EYA2: variants seen among roughly 807,000 people sequenced by gnomAD.
EYA2 encodes protein phosphatase EYA2.
Under a neutral mutation model 69.2 loss-of-function variants are expected in EYA2, and 31 were observed. That is an observed-to-expected ratio of 0.45 (90% CI 0.34 to 0.60). The LOEUF (loss-of-function observed/expected upper bound fraction) is 0.60, where lower values mean the gene tolerates loss of function less well. Ranked by LOEUF, EYA2 falls within the 20% of genes least tolerant of loss-of-function variation. The pLI is 0.02. For missense variants in EYA2, 622 were observed against 701.2 expected, an observed-to-expected ratio of 0.89 and a Z score of 1.28; for synonymous variants, 257 against 279.4, an observed-to-expected ratio of 0.92 and a Z score of 0.80.
chr20:47,068,412 CTG>C (rs1489959807), intron 5 of EYA2, among the ~76,000 whole-genome samples: 1 of 152,252 alleles, frequency 6.6e-6, no homozygotes, highest in Non-Finnish European at 1.5e-5. Flanking sequence ...AGGATCAGCA[CTG>C]TTTGCCTTCC....
At chr20:46,924,176 T>G (rs1488869591) in intron 1 of EYA2, among the ~76,000 whole-genome samples, 2 of 152,186 alleles carry the variant, frequency 1.3e-5, no homozygotes, top group African/African-American at 4.8e-5. Flanking sequence ...TTAACTTGTT[T>G]TAGGAAGTGA....
At chr20:47,006,365 C>G (rs1982715467) in intron 4 of EYA2, among the ~76,000 whole-genome samples, 1 of 152,196 alleles carries the variant, frequency 6.6e-6, no homozygotes, top group Non-Finnish European at 1.5e-5. Flanking sequence ...CTACAGATAG[C>G]CACTCCACGT....
At chr20:47,089,144 C>T in intron 7 of EYA2, 95 bp from the exon 8 acceptor site, 1 of 1,465,208 alleles carries the variant, frequency 6.8e-7, no homozygotes, top group East Asian at 2.3e-5. Flanking sequence ...TTGGAACCCA[C>T]TGCTTTGGAG....
rs186949894 is a variant in EYA2, at chr20:47,035,106, G to A, written c.415+18809G>A. Among the ~76,000 whole-genome samples, 106 of 152,276 alleles carry A rather than the reference G, an allele frequency of 7.0e-4. 1 individual carries two copies. In the South Asian group the frequency reaches 0.014, roughly 20 times the overall value. ...TTTCAAGGGACGCAACTCTACCCAC[G>A]ACATCACCCAACCAGGGTCCCTGGC... On this transcript the variant is annotated intron_variant, in intron 5 of 15. Transcript: ENST00000327619.
At chr20:47,169,099 T>C (rs746552650) in intron 10 of EYA2, 40 bp from the exon 11 acceptor site, 2 of 1,548,942 alleles carry the variant, frequency 1.3e-6, no homozygotes, top group South Asian at 1.1e-5. Context: ...TAACCAGGCA[T>C]GTTCTCTCTC....
At chr20:47,020,945 C>T (rs1051726175) in intron 5 of EYA2, among the ~76,000 whole-genome samples, 3 of 152,142 alleles carry the variant, frequency 2.0e-5, no homozygotes, top group Admixed American at 6.5e-5. Flanking sequence ...TTGAGTTAAC[C>T]TCCAAATACG....
rs567629043 is a variant in EYA2 at position 46,923,025 on chromosome 20, C to T, written c.-11+28038C>T. On this transcript the variant is annotated intron_variant, in intron 1 of 15. Coordinates refer to ENST00000327619, the MANE Select transcript of EYA2 (RefSeq NM_005244.5). Reference sequence around the variant, plus strand: ...ATTCCATTTCAAAAAAAGGTACCTTCTTCTTCAAAAATGCCGATGTTGCAA... The same window carrying T: ...ATTCCATTTCAAAAAAAGGTACCTTTTTCTTCAAAAATGCCGATGTTGCAA... Among the ~76,000 whole-genome samples, 5 of 152,246 alleles carry T rather than the reference C, an allele frequency of 3.3e-5. No individual in the cohort carries two copies. In the South Asian group the frequency reaches 1.0e-3, roughly 32 times the overall value.
At chr20:47,120,869 A>G (rs2033026535) in intron 9 of EYA2, among the ~76,000 whole-genome samples, 1 of 152,232 alleles carries the variant, frequency 6.6e-6, no homozygotes, top group South Asian at 2.1e-4. Flanking sequence ...TTTGAATTTT[A>G]TACTGTCATC....
intron 1 of EYA2, among the ~76,000 whole-genome samples, chr20:46,952,797 G>A (rs1159932180): frequency 6.6e-6 from 1 of 152,208 alleles, no homozygotes; most frequent in African/African-American, 2.4e-5. Flanking sequence ...CCTCATACCA[G>A]ATCAGCCCCG....
intron 9 of EYA2, among the ~76,000 whole-genome samples, chr20:47,130,072 G>A (rs2033299937): frequency 1.3e-5 from 2 of 151,034 alleles, no homozygotes; most frequent in Non-Finnish European, 2.9e-5. Context: ...CAGGGTCTGA[G>A]TCACTGCCTT....
In EYA2 at chr20:47,004,619, G is replaced by A. The variant is rs533819270; in HGVS notation, c.156-323G>A. ...ATCTCAACCTGTGCCCTCCACAGTT[G>A]CTATCAAAAGAGGAGAAAGGACAGG... On this transcript the variant is annotated intron_variant, in intron 3 of 15. Coordinates refer to ENST00000327619, the MANE Select transcript of EYA2 (RefSeq NM_005244.5). 1.1e-4 allele frequency among the ~76,000 whole-genome samples: 16 copies of A among 152,286 alleles called. No individual in the cohort carries two copies. The East Asian group carries it at 3.1e-3, about 29-fold the overall frequency.
At chr20:46,999,356 G>T (rs576836656) in intron 2 of EYA2, among the ~76,000 whole-genome samples, 2 of 152,150 alleles carry the variant, frequency 1.3e-5, no homozygotes, top group African/African-American at 2.4e-5. Context: ...AGGACACCCC[G>T]CCTAGGAGCA....
At chr20:47,030,527 T>C (rs2066228) in intron 5 of EYA2, among the ~76,000 whole-genome samples, 100,222 of 152,094 alleles carry the variant, frequency 0.66, 35,564 homozygotes, top group Non-Finnish European at 0.8. Context: ...TCATGGAATT[T>C]ATATCCCAGG....
intron 5 of EYA2, among the ~76,000 whole-genome samples, chr20:47,018,511 A>G (rs1408042012): frequency 6.6e-6 from 1 of 152,220 alleles, no homozygotes; most frequent in Non-Finnish European, 1.5e-5. Context: ...GAGCAGTGGT[A>G]TGGACCAGGA....
intron 1 of EYA2, among the ~76,000 whole-genome samples, chr20:46,974,886 C>T (rs1980365737): frequency 6.6e-6 from 1 of 152,152 alleles, no homozygotes; most frequent in Non-Finnish European, 1.5e-5. Context: ...CGTTGGGTGC[C>T]TTTTTGAAGG....
At chr20:46,970,280 T>C (rs1016033538) in intron 1 of EYA2, among the ~76,000 whole-genome samples, 3 of 152,260 alleles carry the variant, frequency 2.0e-5, no homozygotes, top group Middle Eastern at 3.2e-3. Context: ...ATTTCACTAC[T>C]GTCCTCTGCT....
intron 13 of EYA2, 64 bp downstream of exon 13, chr20:47,179,976 C>A: frequency 9.1e-7 from 1 of 1,101,102 alleles, no homozygotes; most frequent in Non-Finnish European, 1.4e-6. Flanking sequence ...AGTGGTGGCT[C>A]CTGCATGTCC....
At chr20:47,130,256 A>ATTTTTTT (rs1392782309) in intron 9 of EYA2, among the ~76,000 whole-genome samples, 174 of 69,614 alleles carry the variant, frequency 2.5e-3, no homozygotes, top group Non-Finnish European at 3.2e-3. Context: ...AAGAAGGTTT[A>ATTTTTTT]TTTTCTTTTT....
Position 47,014,482 on chromosome 20 carries a change from A to G in EYA2, c.299-1699A>G, listed in dbSNP as rs142173466. 9.1e-4 allele frequency among the ~76,000 whole-genome samples: 139 copies of G among 152,332 alleles called. 1 individual carries two copies. The Middle Eastern group carries it at 0.017, about 19-fold the overall frequency. ...ATGTGGTTGTGGAGAAGCAGGACTC[A>G]CTCAGTGACTGGAGAGAATGTCACC... On this transcript the variant is annotated intron_variant, in intron 4 of 15. Coordinates refer to ENST00000327619, the MANE Select transcript of EYA2 (RefSeq NM_005244.5).
Sources: allele counts gnomAD v4.1 joint callset (sites outside exome capture counted in the v4.1 genomes callset), GRCh38; gene constraint gnomAD v4.1.1; transcripts MANE v1.5; gene names NCBI Gene and HGNC (gene_info 2026-07-23, HGNC 2026-07-21).